Variants in GPR153 observed in about 807,000 individuals in gnomAD.
GPR153 encodes probable G protein-coupled receptor 153.
In GPR153, 27 loss-of-function variants were observed where a neutral mutation model predicts 34.1. The observed-to-expected ratio is 0.79, with a 90% CI of 0.58 to 1.09. The LOEUF is 1.09. Among genes scored for constraint, GPR153 ranks in the 50% least tolerant of loss-of-function variants. The pLI is 0.00. For missense variants in GPR153, 848 were observed against 860.2 expected, an observed-to-expected ratio of 0.99 and a Z score of 0.18; for synonymous variants, 408 against 405.4, an observed-to-expected ratio of 1.01 and a Z score of -0.08.
At chr1:6,252,112 C>T (rs529035414) in intron 3 of GPR153, among the ~76,000 whole-genome samples, 98 of 152,314 alleles carry the variant, frequency 6.4e-4, no homozygotes, top group African/African-American at 2.2e-3. Flanking sequence ...GGATAGCCCT[C>T]GTTGCTCTGT....
rs754228590 is a variant in GPR153, at chr1:6,253,860, G to C, written c.644C>G (p.Pro215Arg). 6.2e-7 allele frequency: 1 copy of C among 1,606,484 alleles called. No homozygotes were observed. The highest frequency in any genetic ancestry group is 1.1e-5 in the South Asian group (1 of 90,734). Reference sequence around the variant, plus strand: ...CTGCGCGTCCTCCACCACGATGGTGGGCACGGTGAAGGCGCGGCGGTCGGC... The same window carrying C: ...CTGCGCGTCCTCCACCACGATGGTGCGCACGGTGAAGGCGCGGCGGTCGGC... ...RQADRRAFTV[P>R]TIVVEDAQGK... Residue 215 changes from proline to arginine, a missense_variant, in exon 3 of 6, where the codon CCC (proline) becomes CGC (arginine). Pro to Arg is a moderately radical substitution (Grantham distance 103). Transcript: ENST00000377893.
intron 1 of GPR153, among the ~76,000 whole-genome samples, chr1:6,259,613 A>G: frequency 6.6e-6 from 1 of 151,868 alleles, no homozygotes; most frequent in East Asian, 1.9e-4. Flanking sequence ...TCAGGGCAAC[A>G]CGGAGAGAAT....
At position 6,249,604 on chromosome 1, in the gene GPR153, A is replaced by T; in HGVS notation, c.1564T>A (p.Phe522Ile). ...PQALRRPPGP[F>I]PAAPAAPDGA... ...TCGGGGGCGGCGGGCGCAGCGGGGA[A>T]GGGCCCGGGCGGGCGGCGCAGGGCC... The change falls in exon 6 of 6, where the codon TTC becomes ATC. Residue 522 changes from phenylalanine (F) to isoleucine (I), a missense_variant. Physicochemically the swap from Phe to Ile is conservative, Grantham distance 21. Transcript: ENST00000377893. This position sits in a 1 kb window ranked among gnomAD's most constrained non-coding sequence, Gnocchi z 4.3. The T allele has an allele frequency of 8.8e-7, 1 of 1,142,560 alleles. No homozygotes were observed. Among genetic ancestry groups the T allele is most frequent in the Non-Finnish European group, 1.1e-6 (1 of 931,560 alleles). 70.8% of individuals were successfully genotyped at this position (1,142,560 alleles called of 1,614,324 possible).
In GPR153 at chr1:6,249,274, T is replaced by G; in HGVS notation, c.*64A>C. ...GCGCGCGGGGCGGAGGCGGGCGTCT[T>G]TGGTGCTGCGGCCCCGGAGAGCGGC... On this transcript the variant is annotated 3_prime_UTR_variant, in exon 6 of 6. Transcript: ENST00000377893. This position sits in a 1 kb window ranked among gnomAD's most constrained non-coding sequence, Gnocchi z 4.3. 8 of 1,143,424 alleles carry G rather than the reference T, an allele frequency of 7.0e-6. No homozygotes were observed. Among genetic ancestry groups the G allele is most frequent in the Non-Finnish European group, 8.8e-6 (8 of 906,232 alleles). The allele number at this position is 1,143,424 out of a possible 1,614,324, so 70.8% of individuals were successfully genotyped here.
chr1:6,258,578 G>T (rs1310204669), intron 1 of GPR153, among the ~76,000 whole-genome samples: 7 of 152,182 alleles, frequency 4.6e-5, no homozygotes, highest in Non-Finnish European at 2.9e-5. Flanking sequence ...AGCCTTTGGG[G>T]TGCCTGGCAG....
At chr1:6,250,183 G>A (rs1260972593) in intron 5 of GPR153, 180 bp from the exon 6 acceptor site, 5 of 985,352 alleles carry the variant, frequency 5.1e-6, no homozygotes, top group Non-Finnish European at 6.0e-6. Flanking sequence ...GTGTCAGACA[G>A]CTGGGGTCGG....
At position 6,249,293 on chromosome 1, in the gene GPR153, G is replaced by A. The variant is rs1318275715; in HGVS notation, c.*45C>T. 3 of 1,224,106 alleles carry A rather than the reference G, an allele frequency of 2.5e-6. No individual in the cohort carries two copies. Among genetic ancestry groups the A allele is most frequent in the Non-Finnish European group, 3.1e-6 (3 of 977,062 alleles). 75.8% of individuals were successfully genotyped at this position (1,224,106 alleles called of 1,614,324 possible). A position where few individuals can be genotyped will look rare whatever the true frequency, so the allele number is the denominator to read the frequency against. ...GCGTCTTTGGTGCTGCGGCCCCGGA[G>A]AGCGGCCTGGCCTGCCTGGCGTCCG... is the stretch of plus-strand genomic sequence containing the variant. On this transcript the variant is annotated 3_prime_UTR_variant, in exon 6 of 6. Coordinates refer to ENST00000377893, the MANE Select transcript of GPR153 (RefSeq NM_207370.4). The surrounding 1 kb of genome is among the most constrained non-coding windows in gnomAD (Gnocchi z 4.3).
Position 6,254,554 on chromosome 1 carries a change from A to G in GPR153, c.352T>C (p.Tyr118His). Residue 118 changes from tyrosine (Y) to histidine (H), a missense_variant, in exon 2 of 6, where the codon TAC becomes CAC. Transcript: ENST00000377893. ...CCCAGAACTTCACATGCTCACCGGT[A>G]GTTGACAGGCCAGCAGACCATCCAC... is the stretch of plus-strand genomic sequence containing the variant. ...RMWMVCWPVN[Y>H]RLSNAKKQAV... is the part of the protein sequence containing the mutation. 6.4e-7 allele frequency: 1 copy of G among 1,562,808 alleles called. No homozygotes were observed. Among genetic ancestry groups the G allele is most frequent in the Non-Finnish European group, 8.7e-7 (1 of 1,154,582 alleles).
At position 6,249,178 on chromosome 1, in the gene GPR153, A is replaced by C. The variant is rs1169250309; in HGVS notation, c.*160T>G. On this transcript the variant is annotated 3_prime_UTR_variant, in exon 6 of 6. Transcript: ENST00000377893. The surrounding 1 kb of genome is among the most constrained non-coding windows in gnomAD (Gnocchi z 4.3). ...CAGCCGTCGCCCCTGGGACAAGGCC[A>C]GCTGGGAGGAGCCGGAAGACAAACG... 2.0e-6 allele frequency: 1 copy of C among 506,912 alleles called. No individual in the cohort carries two copies. The highest frequency in any genetic ancestry group is 3.0e-6 in the Non-Finnish European group (1 of 328,860). 31.4% of individuals were successfully genotyped at this position (506,912 alleles called of 1,614,324 possible). A position where few individuals can be genotyped will look rare whatever the true frequency, so the allele number is the denominator to read the frequency against.
At chr1:6,255,697 G>T (rs2100991528) in intron 1 of GPR153, among the ~76,000 whole-genome samples, 1 of 120,136 alleles carries the variant, frequency 8.3e-6, no homozygotes, top group Middle Eastern at 7.9e-3. Context: ...CTGTCACCCA[G>T]GCTGGAGTGC....
In GPR153 at chr1:6,254,550, C is replaced by T. The variant is rs746885797; in HGVS notation, c.356G>A (p.Arg119Gln). The stretch of plus-strand genomic sequence containing the variant: ...GAACCCCAGAACTTCACATGCTCAC[C>T]GGTAGTTGACAGGCCAGCAGACCAT... Reference protein sequence around the residue: ...MWMVCWPVNYRLSNAKKQAVH... With the variant: ...MWMVCWPVNYQLSNAKKQAVH... Residue 119 changes from arginine (R) to glutamine (Q), a missense_variant and splice_region_variant, in exon 2 of 6, where the codon CGG (arginine) becomes CAG (glutamine). By Grantham distance (43) the Arg-to-Gln change is conservative (BLOSUM62 1). Coordinates refer to ENST00000377893, the MANE Select transcript of GPR153 (RefSeq NM_207370.4). 1.4e-5 allele frequency: 22 copies of T among 1,558,044 alleles called. No individual in the cohort carries two copies. In the South Asian group the frequency reaches 1.7e-4, roughly 12 times the overall value.
At chr1:6,252,326 T>C (rs994777635) in intron 3 of GPR153, among the ~76,000 whole-genome samples, 1 of 152,156 alleles carries the variant, frequency 6.6e-6, no homozygotes, top group African/African-American at 2.4e-5. Flanking sequence ...AACAGCAGCA[T>C]GGAGTGGCCC....
intron 4 of GPR153, 118 bp from the exon 5 acceptor site, chr1:6,250,742 G>A (rs1638430755): frequency 1.6e-6 from 1 of 610,702 alleles, no homozygotes; most frequent in Non-Finnish European, 2.9e-6. Context: ...TACAAGGTAG[G>A]GGGCTGGTTA....
At chr1:6,255,676 A>T in intron 1 of GPR153, among the ~76,000 whole-genome samples, 1 of 84,712 alleles carries the variant, frequency 1.2e-5, no homozygotes, top group African/African-American at 5.7e-5. Context: ...TTTTTGAGAT[A>T]GAATCTTGCT....
chr1:6,252,966 C>T (rs2786644), intron 3 of GPR153, among the ~76,000 whole-genome samples: 23 of 152,302 alleles, frequency 1.5e-4, no homozygotes, highest in African/African-American at 2.4e-4. Flanking sequence ...ATTTGAGGCC[C>T]GCCCTGGCCT....
chr1:6,256,366 CTTTCT>C (rs1357746996), intron 1 of GPR153, among the ~76,000 whole-genome samples: 2 of 134,604 alleles, frequency 1.5e-5, no homozygotes, highest in African/African-American at 5.2e-5. Flanking sequence ...TTTTTTAAAT[CTTTCT>C]TTTCTTTTTT....
rs1303284996 is a variant in GPR153 at position 6,247,693 on chromosome 1, C to G, written c.*1645G>C. 1.3e-5 allele frequency: 2 copies of G among 152,282 alleles called. No individual in the cohort carries two copies. The highest frequency in any genetic ancestry group is 4.8e-5 in the African/African-American group (2 of 41,456). The allele number at this position is 152,282 out of a possible 1,614,324, so 9.4% of individuals were successfully genotyped here. ...ACCTAAGGTGACAAGTGGACAGACG[C>G]CCCCCAGATGGAGGAGACACTGGCT... On this transcript the variant is annotated 3_prime_UTR_variant, in exon 6 of 6. Coordinates refer to ENST00000377893, the MANE Select transcript of GPR153 (RefSeq NM_207370.4).
At chr1:6,257,949 GCT>G (rs957609168) in intron 1 of GPR153, among the ~76,000 whole-genome samples, 6 of 152,214 alleles carry the variant, frequency 3.9e-5, no homozygotes, top group African/African-American at 1.4e-4. Flanking sequence ...AGCCTCATTT[GCT>G]CTCTTTCTCA....
Position 6,251,800 on chromosome 1 carries a change from C to T in GPR153, c.787-270G>A, listed in dbSNP as rs1228884123. On this transcript the variant is annotated intron_variant, in intron 3 of 5. Transcript: ENST00000377893. This position sits in a 1 kb window ranked among gnomAD's most constrained non-coding sequence, Gnocchi z 4.9. Reference sequence around the variant, plus strand: ...GAAGTGGGGCATGGATTACCACCTCCTCCCCGCTTTGTTTTGAGACAGTCT... The same window carrying T: ...GAAGTGGGGCATGGATTACCACCTCTTCCCCGCTTTGTTTTGAGACAGTCT... Among the ~76,000 whole-genome samples, 1 of 152,190 alleles carries T rather than the reference C, an allele frequency of 6.6e-6. No individual in the cohort carries two copies. Among genetic ancestry groups the T allele is most frequent in the African/African-American group, 2.4e-5 (1 of 41,436 alleles).
Sources: allele counts gnomAD v4.1 joint callset (sites outside exome capture counted in the v4.1 genomes callset), GRCh38; gene constraint gnomAD v4.1.1; non-coding constraint Gnocchi (gnomAD v3.1); transcripts MANE v1.5; gene names NCBI Gene and HGNC (gene_info 2026-07-23, HGNC 2026-07-21).